DYSF: variants seen among roughly 807,000 people sequenced by gnomAD.
DYSF encodes dysferlin.
In DYSF, 212 loss-of-function variants were observed where a neutral mutation model predicts 274.9. The observed-to-expected ratio is 0.77, with a 90% CI of 0.69 to 0.86. The LOEUF (loss-of-function observed/expected upper bound fraction) is 0.86, where lower values mean the gene tolerates loss of function less well. Ranked by LOEUF, DYSF falls within the 40% of genes least tolerant of loss-of-function variation. The pLI is 0.00. For missense variants in DYSF, 2,666 were observed against 2,783.2 expected, an observed-to-expected ratio of 0.96 and a Z score of 0.95; for synonymous variants, 1,091 against 1,078.7, an observed-to-expected ratio of 1.01 and a Z score of -0.22.
intron 17 of DYSF, among the ~76,000 whole-genome samples, chr2:71,543,904 T>TG (rs2090224018): frequency 1.5e-5 from 1 of 68,810 alleles, no homozygotes; most frequent in Non-Finnish European, 2.9e-5. Context: ...AGGGAGACCG[T>TG]GGGGAGAGGG....
At chr2:71,575,482 TTCCGGCCAGG>T (rs1192416209) in intron 30 of DYSF, among the ~76,000 whole-genome samples, 1 of 152,110 alleles carries the variant, frequency 6.6e-6, no homozygotes, top group Non-Finnish European at 1.5e-5. Flanking sequence ...TGGACTGGTC[TTCCGGCCAGG>T]GTCGGGCAGG....
At position 71,658,883 on chromosome 2, in the gene DYSF, C is replaced by T. The variant is rs2094826394; in HGVS notation, c.4761C>T (p.Leu1587=). The change falls in exon 44 of 56, where the codon CTC becomes CTT. Residue 1587 remains leucine (L), a synonymous_variant. Transcript: ENST00000410020. Reference sequence around the variant, plus strand: ...TAACCCTTCCTTCTTTTCAGGGCCTCTTCAAAATTTATCCCCTCCCAGAAG... The same window carrying T: ...TAACCCTTCCTTCTTTTCAGGGCCTTTTCAAAATTTATCCCCTCCCAGAAG... ...DPSVIGEFKG[L]FKIYPLPEDP... 1 of 1,614,182 alleles carries T rather than the reference C, an allele frequency of 6.2e-7. No individual in the cohort carries two copies. The highest frequency in any genetic ancestry group is 8.5e-7 in the Non-Finnish European group (1 of 1,180,040).
Position 71,637,546 on chromosome 2 carries a change from G to T in DYSF, c.4528-6419G>T, listed in dbSNP as rs562125131. On this transcript the variant is annotated intron_variant, in intron 41 of 55. Transcript: ENST00000410020. ...GAGAAGGGGCGAGTAAAGGGCCAGG[G>T]AAGTGAGATGAGGTGCCGGGCGGCA... 3.3e-5 allele frequency among the ~76,000 whole-genome samples: 5 copies of T among 152,322 alleles called. No individual in the cohort carries two copies. In the East Asian group the frequency reaches 9.7e-4, roughly 29 times the overall value.
rs1435280155 is a variant in DYSF, at chr2:71,589,869, G to A, written c.3496+183G>A. On this transcript the variant is annotated intron_variant, in intron 31 of 55. Transcript: ENST00000410020. Reference sequence around the variant, plus strand: ...TGCGCGCGTGCGTGCACGTGTCCGTGCCTATCTGTGTGGTGTGTCCACCCA... The same window carrying A: ...TGCGCGCGTGCGTGCACGTGTCCGTACCTATCTGTGTGGTGTGTCCACCCA... 2.6e-5 allele frequency among the ~76,000 whole-genome samples: 4 copies of A among 152,134 alleles called. No homozygotes were observed. The South Asian group carries it at 8.3e-4, about 32-fold the overall frequency.
At chr2:71,564,788 C>T (rs544357256) in intron 24 of DYSF, among the ~76,000 whole-genome samples, 4 of 152,372 alleles carry the variant, frequency 2.6e-5, no homozygotes, top group South Asian at 2.1e-4. Context: ...TCTTCTAACA[C>T]CCATCCCTGC....
At chr2:71,601,278 A>ATG in intron 34 of DYSF, 1 of 650,274 alleles carries the variant, frequency 1.5e-6, no homozygotes, top group South Asian at 1.8e-5. Context: ...TCTTAGTATG[A>ATG]TGTGAACCCG....
chr2:71,617,735 GGTGT>G (rs1172243732), intron 40 of DYSF, among the ~76,000 whole-genome samples: 3 of 141,934 alleles, frequency 2.1e-5, no homozygotes, highest in East Asian at 2.2e-4. Flanking sequence ...TGGTAGAGGT[GGTGT>G]GTGTGTATGT....
intron 55 of DYSF, among the ~76,000 whole-genome samples, chr2:71,684,044 G>A (rs1290426566): frequency 4.3e-4 from 65 of 152,234 alleles, no homozygotes; most frequent in Admixed American, 4.2e-3. Flanking sequence ...TGAAGGGTCT[G>A]CCTACAGGCC....
chr2:71,574,409 A>C, intron 30 of DYSF, 38 bp downstream of exon 30: 1 of 1,605,668 alleles, frequency 6.2e-7, no homozygotes, highest in Non-Finnish European at 8.5e-7. Flanking sequence ...TGGGTAGGGT[A>C]TATCTTGGTT....
intron 14 of DYSF, among the ~76,000 whole-genome samples, chr2:71,531,390 G>T (rs941435927): frequency 6.6e-6 from 1 of 152,070 alleles, no homozygotes; most frequent in Non-Finnish European, 1.5e-5. Context: ...ATGATTTGTG[G>T]ACACTTTCAG....
intron 18 of DYSF, 131 bp from the exon 19 acceptor site, chr2:71,551,476 G>C (rs942520615): frequency 2.4e-5 from 18 of 757,978 alleles, no homozygotes; most frequent in South Asian, 1.1e-4. Context: ...TCACCTGCAG[G>C]GGGGATGAGG....
intron 3 of DYSF, among the ~76,000 whole-genome samples, chr2:71,494,784 A>G (rs555111582): frequency 1.3e-5 from 2 of 152,204 alleles, no homozygotes; most frequent in Non-Finnish European, 2.9e-5. Context: ...TCCTTGATAG[A>G]CAGTGTTGGA....
intron 1 of DYSF, among the ~76,000 whole-genome samples, chr2:71,473,238 A>AGTGCTG (rs2082162228): frequency 6.6e-6 from 1 of 152,198 alleles, no homozygotes; most frequent in Non-Finnish European, 1.5e-5. Flanking sequence ...TGTCTGTACC[A>AGTGCTG]AGAGGTAATA....
At chr2:71,644,634 A>G (rs988856059) in intron 42 of DYSF, among the ~76,000 whole-genome samples, 2 of 152,088 alleles carry the variant, frequency 1.3e-5, no homozygotes, top group African/African-American at 4.8e-5. Context: ...GTTTCTGTGG[A>G]AAAAAACAGA....
At chr2:71,553,757 A>ACCC in intron 20 of DYSF, 50 bp from the exon 21 acceptor site, 4 of 461,872 alleles carry the variant, frequency 8.7e-6, no homozygotes, top group South Asian at 4.4e-5. Context: ...ACCCCATCCC[A>ACCC]CCCGCCCTCC....
chr2:71,656,086 CTT>C (rs2094762846), intron 42 of DYSF, 74 bp from the exon 43 acceptor site: 2 of 1,567,904 alleles, frequency 1.3e-6, no homozygotes, highest in African/African-American at 1.4e-5. Flanking sequence ...CCCTCCTTCT[CTT>C]GTTTCCTTTC....
At chr2:71,530,550 A>G (rs148687720) in intron 14 of DYSF, among the ~76,000 whole-genome samples, 8 of 152,302 alleles carry the variant, frequency 5.3e-5, no homozygotes, top group Non-Finnish European at 1.0e-4. Flanking sequence ...CACTGTATAC[A>G]GTAGATTGGC....
intron 29 of DYSF, among the ~76,000 whole-genome samples, chr2:71,572,257 A>AGCACATGCC (rs1450399345): frequency 7.3e-4 from 46 of 63,404 alleles, no homozygotes; most frequent in African/African-American, 2.8e-3. Flanking sequence ...TAGCACACCC[A>AGCACATGCC]CAGATCACAA....
intron 3 of DYSF, among the ~76,000 whole-genome samples, chr2:71,484,599 A>G (rs189120682): frequency 1.2e-3 from 178 of 152,318 alleles, no homozygotes; most frequent in African/African-American, 4.1e-3. Flanking sequence ...GCTAGGGAAT[A>G]CTAGACTCAT....
Sources: gnomAD v4.1 joint callset for allele counts (sites outside exome capture counted in the v4.1 genomes callset) on GRCh38, gnomAD v4.1.1 for gene constraint, MANE v1.5 for transcripts, NCBI Gene and HGNC (gene_info 2026-07-23, HGNC 2026-07-21) for gene names.